Variants in ZAN observed in about 807,000 individuals in gnomAD.
ZAN encodes the protein zonadhesin (gene/pseudogene).
In ZAN, 260 loss-of-function variants were observed where a neutral mutation model predicts 286.2. The observed-to-expected ratio is 0.91, with a 90% CI of 0.82 to 1.01. The LOEUF is 1.01. Among genes scored for constraint, ZAN ranks in the 50% least tolerant of loss-of-function variants. The pLI, the probability that ZAN is intolerant of heterozygous loss-of-function variation, is 0.00. For missense variants in ZAN, 3,410 were observed against 3,639.2 expected, an observed-to-expected ratio of 0.94 and a Z score of 1.62; for synonymous variants, 1,368 against 1,417.5, an observed-to-expected ratio of 0.97 and a Z score of 0.79.
In ZAN at chr7:100,793,959, T is replaced by C. The variant is rs314339; in HGVS notation, c.7927T>C (p.Trp2643Arg). 0.5 allele frequency: 801,818 copies of C among 1,613,520 alleles called. 207,162 individuals carry two copies. Among genetic ancestry groups the C allele is most frequent in the Middle Eastern group, 0.62 (3,764 of 6,058 alleles). The change falls in exon 43 of 48, where the codon TGG becomes CGG. Residue 2643 changes from tryptophan to arginine, a missense_variant. Physicochemically the swap from Trp to Arg is moderately radical, Grantham distance 101. Coordinates refer to ENST00000613979, the MANE Select transcript of ZAN (RefSeq NM_003386.3). ...LRQHPRLCLQ[W>R]HPEPPLADCG... ...CCAGCATCCCAGGCTATGCCTACAGTGGCACCCAGAGCCTCCCCTGGCTGA... is the reference window on the plus strand; with the variant it reads ...CCAGCATCCCAGGCTATGCCTACAGCGGCACCCAGAGCCTCCCCTGGCTGA...
chr7:100,765,261 G>C, intron 22 of ZAN, 91 bp from the exon 23 acceptor site: 1 of 1,392,396 alleles, frequency 7.2e-7, no homozygotes, highest in Admixed American at 2.0e-5. Flanking sequence ...GAAGCCTGGA[G>C]CTGGGGCCCT....
chr7:100,797,584 A>G lies in ZAN; in HGVS notation c.8374A>G (p.Thr2792Ala), dbSNP rs773367610. 1 of 1,613,588 alleles carries G rather than the reference A, an allele frequency of 6.2e-7. No homozygotes were observed. The highest frequency in any genetic ancestry group is 1.7e-5 in the Admixed American group (1 of 59,970). The change falls in exon 47 of 48, where the codon ACG (threonine) becomes GCG (alanine). Residue 2792 changes from threonine (T) to alanine (A), a missense_variant. Around this residue, in one of 7 missense-constraint regions of ZAN, gnomAD observed 1,289 missense variants for 1,314.3 expected, o/e 0.98. Transcript: ENST00000613979. ...TTCCCCCATGCCTTCTAGAGAGAAA[A>G]CGCAGGAGGGAGACAGACTGGCCAG... Reference protein sequence around the residue: ...IYRTRRKREKTQEGDRLARLV... With the variant: ...IYRTRRKREKAQEGDRLARLV...
In ZAN at chr7:100,751,826, T is replaced by C. The variant is rs1273007705; in HGVS notation, c.1721T>C (p.Ile574Thr). The change falls in exon 14 of 48, where the codon ATA (isoleucine) becomes ACA (threonine). Residue 574 changes from isoleucine (I) to threonine (T), a missense_variant. By Grantham distance (89) the Ile-to-Thr change is moderately conservative. This residue lies in a region of ZAN where 872 missense variants were observed against 938.9 expected (regional missense o/e 0.93). Transcript: ENST00000613979. ...TCCACCAAGAAACCTACAGTTTCCA[T>C]AGAAAAACCCAGTGTCACCACAGAA... Reference protein sequence around the residue: ...TISTKKPTVSIEKPSVTTEKP... With the variant: ...TISTKKPTVSTEKPSVTTEKP... 1.2e-6 allele frequency: 2 copies of C among 1,612,856 alleles called. No individual in the cohort carries two copies. The highest frequency in any genetic ancestry group is 1.7e-5 in the Admixed American group (1 of 59,882).
At position 100,790,993 on chromosome 7, in the gene ZAN, A is replaced by G. The variant is rs1171330824; in HGVS notation, c.7409A>G (p.Asn2470Ser). 93 of 1,612,294 alleles carry G rather than the reference A, an allele frequency of 5.8e-5. No homozygotes were observed. Among genetic ancestry groups the G allele is most frequent in the Non-Finnish European group, 7.9e-5 (93 of 1,179,284 alleles). Residue 2470 changes from asparagine to serine, a missense_variant, in exon 40 of 48, where the codon AAC (asparagine) becomes AGC (serine). Physicochemically the swap from Asn to Ser is conservative, Grantham distance 46 (BLOSUM62 1). This residue lies in a region of ZAN where 1,289 missense variants were observed against 1,314.3 expected (regional missense o/e 0.98). Coordinates refer to ENST00000613979, the MANE Select transcript of ZAN (RefSeq NM_003386.3). ...YEGLVSGLCG[N>S]YDKNRKNDMM... ...GGGCTTGTGAGTGGCCTGTGCGGAAACTACGACAAGAACCGCAAGAATGAC... is the reference window on the plus strand; with the variant it reads ...GGGCTTGTGAGTGGCCTGTGCGGAAGCTACGACAAGAACCGCAAGAATGAC...
At chr7:100,748,629 A>C (rs1175372131) in intron 11 of ZAN, among the ~76,000 whole-genome samples, 159 bp downstream of exon 11, 4 of 152,096 alleles carry the variant, frequency 2.6e-5, no homozygotes, top group Non-Finnish European at 5.9e-5. Context: ...AATTGTGGAG[A>C]TAGCAGAGTA....
At chr7:100,747,256 A>T (rs544278073) in intron 8 of ZAN, among the ~76,000 whole-genome samples, 2 of 151,574 alleles carry the variant, frequency 1.3e-5, no homozygotes, top group South Asian at 4.2e-4. Context: ...GTGTGGTGGC[A>T]CACGCCTGTA....
Position 100,776,460 on chromosome 7 carries a change from C to T in ZAN, c.6213C>T (p.Asn2071=). 6.2e-7 allele frequency: 1 copy of T among 1,606,456 alleles called. No individual in the cohort carries two copies. Among genetic ancestry groups the T allele is most frequent in the Non-Finnish European group, 8.5e-7 (1 of 1,176,626 alleles). ...GCCAGGTCTGCGGCATGTGTGGGAA[C>T]TTCAATGATGAGGAAGAGGACGAAC... ...YYGKVCGMCG[N]FNDEEEDELM... is the part of the protein sequence containing the mutation. The change falls in exon 34 of 48, where the codon AAC becomes AAT. Residue 2071 remains asparagine, a synonymous_variant. Transcript: ENST00000613979.
In ZAN at chr7:100,753,220, T is replaced by A; in HGVS notation, c.3115T>A (p.Ser1039Thr). Residue 1039 changes from serine to threonine, a missense_variant, in exon 14 of 48, where the codon TCC (serine) becomes ACC (threonine). Transcript: ENST00000613979. Reference sequence around the variant, plus strand: ...TCTGGGCACTACCACAACCTCCAGATCCAGTACAGGTATGAGGTGGATGGA... The same window carrying A: ...TCTGGGCACTACCACAACCTCCAGAACCAGTACAGGTATGAGGTGGATGGA... The part of the protein sequence containing the change: ...VILGTTTTSR[S>T]STERCPPNAR... 4 of 1,597,038 alleles carry A rather than the reference T, an allele frequency of 2.5e-6. No individual in the cohort carries two copies. Among genetic ancestry groups the A allele is most frequent in the Non-Finnish European group, 2.6e-6 (3 of 1,171,244 alleles).
chr7:100,747,525 C>G, intron 8 of ZAN, 25 bp from the exon 9 acceptor site: 1 of 1,609,026 alleles, frequency 6.2e-7, no homozygotes, highest in Non-Finnish European at 8.5e-7. Context: ...AAGCTCACTT[C>G]TCCTTCCAAT....
At position 100,748,355 on chromosome 7, in the gene ZAN, C is replaced by A. The variant is rs200460391; in HGVS notation, c.1134C>A (p.Asn378Lys). The change falls in exon 11 of 48, where the codon AAC (asparagine) becomes AAA (lysine). Residue 378 changes from asparagine to lysine, a missense_variant. By Grantham distance (94) the Asn-to-Lys change is moderately conservative (BLOSUM62 0). Coordinates refer to ENST00000613979, the MANE Select transcript of ZAN (RefSeq NM_003386.3). ...EGFPQCDFED[N>K]AHPFCDWVQT... ...TTCCTCAGTGTGACTTTGAAGACAA[C>A]GCCCATCCCTTCTGTGACTGGGTCC... 2 of 1,613,978 alleles carry A rather than the reference C, an allele frequency of 1.2e-6. No individual in the cohort carries two copies. Among genetic ancestry groups the A allele is most frequent in the South Asian group, 2.2e-5 (2 of 91,078 alleles).
Position 100,768,646 on chromosome 7 carries a change from G to A in ZAN, c.5078G>A (p.Arg1693His), listed in dbSNP as rs764314689. 58 of 1,610,770 alleles carry A rather than the reference G, an allele frequency of 3.6e-5. 1 individual carries two copies. In the South Asian group the frequency reaches 4.9e-4, roughly 14 times the overall value. Residue 1693 changes from arginine (R) to histidine (H), a missense_variant, in exon 27 of 48, where the codon CGC becomes CAC. By Grantham distance (29) the Arg-to-His change is conservative (BLOSUM62 0). Coordinates refer to ENST00000613979, the MANE Select transcript of ZAN (RefSeq NM_003386.3). ...AACAACAGCTTGGATGACAACCTGC[G>A]CCCCGACAGAAAGCTTGCAGGCGAT... ...YNNNSLDDNL[R>H]PDRKLAGDSM...
chr7:100,744,874 T>C (rs1808074863), intron 7 of ZAN, among the ~76,000 whole-genome samples: 1 of 150,938 alleles, frequency 6.6e-6, no homozygotes, highest in African/African-American at 2.5e-5. Flanking sequence ...CCTTGGTTTT[T>C]TTTTTGTTGT....
At chr7:100,776,684 TTCTC>T (rs1562947352) in intron 34 of ZAN, 120 bp downstream of exon 34, 24 of 654,072 alleles carry the variant, frequency 3.7e-5, no homozygotes, top group Admixed American at 9.6e-5. Flanking sequence ...CTTTCTTCCT[TTCTC>T]TCTTTCTCTT....
At chr7:100,775,086 C>A (rs551182636) in intron 31 of ZAN, among the ~76,000 whole-genome samples, 1 of 152,228 alleles carries the variant, frequency 6.6e-6, no homozygotes, top group African/African-American at 2.4e-5. Context: ...CGTCACCACA[C>A]CCTAATTTTT....
intron 42 of ZAN, among the ~76,000 whole-genome samples, chr7:100,793,142 C>G (rs552074236): frequency 6.6e-6 from 1 of 151,752 alleles, no homozygotes; most frequent in African/African-American, 2.4e-5. Flanking sequence ...AGTTTGAGAC[C>G]GGCCTGGGGA....
At chr7:100,754,376 G>A (rs1239414961) in intron 14 of ZAN, among the ~76,000 whole-genome samples, 6 of 151,820 alleles carry the variant, frequency 4.0e-5, no homozygotes, top group Non-Finnish European at 7.4e-5. Context: ...GGAGAATGGC[G>A]TGAACCCGGG....
intron 11 of ZAN, among the ~76,000 whole-genome samples, chr7:100,750,004 TCGTG>T (rs1808532686): frequency 7.2e-6 from 1 of 139,222 alleles, no homozygotes; most frequent in Admixed American, 7.3e-5. Flanking sequence ...TGAGCTGAGA[TCGTG>T]TCACTGCACT....
Position 100,783,783 on chromosome 7 carries a change from T to TATATATATATATACACACAC in ZAN, c.6623-839_6623-838insTATATATATATACACACACA, listed in dbSNP as rs377402352. On this transcript the variant is annotated intron_variant, in intron 35 of 47. Transcript: ENST00000613979. ...AAAAAAATATATATATATATATATA[T>TATATATATATATACACACAC]ACACATATATATATATACACACATA... Among the ~76,000 whole-genome samples, 18 of 20,476 alleles carry TATATATATATATACACACAC rather than the reference T, an allele frequency of 8.8e-4. 1 individual carries two copies. The highest frequency in any genetic ancestry group is 2.4e-3 in the African/African-American group (18 of 7,364). 13.4% of individuals were successfully genotyped at this position (20,476 alleles called of 152,430 possible). A position where few individuals can be genotyped will look rare whatever the true frequency, so the allele number is the denominator to read the frequency against.
intron 44 of ZAN, 72 bp downstream of exon 44, chr7:100,794,330 C>T: frequency 6.6e-7 from 1 of 1,519,370 alleles, no homozygotes; most frequent in Non-Finnish European, 8.8e-7. Flanking sequence ...GGATCGTCCC[C>T]TCCTTGTCCT....
Sources: allele counts gnomAD v4.1 joint callset (sites outside exome capture counted in the v4.1 genomes callset), GRCh38; gene constraint gnomAD v4.1.1; regional missense constraint gnomAD v4.1.1; transcripts MANE v1.5; gene names NCBI Gene and HGNC (gene_info 2026-07-23, HGNC 2026-07-21).